The following GRM2 variants were observed in gnomAD, a reference collection of about 807,000 sequenced individuals.
GRM2 encodes metabotropic glutamate receptor 2.
In GRM2, 35 loss-of-function variants were observed where a neutral mutation model predicts 60.4. The observed-to-expected ratio is 0.58, with a 90% CI of 0.44 to 0.77. GRM2 has a LOEUF of 0.77. Ranked by LOEUF, GRM2 falls within the 30% of genes least tolerant of loss-of-function variation. The pLI, the probability that GRM2 is intolerant of heterozygous loss-of-function variation, is 0.00. For missense variants in GRM2, 925 were observed against 1,199.5 expected (o/e 0.77, Z 3.38); for synonymous variants, 437 against 484.1 (o/e 0.90, Z 1.28).
rs1047717477 is a variant in GRM2, at chr3:51,716,057, A to G, written c.2284A>G (p.Ile762Val). Residue 762 changes from isoleucine to valine, a missense_variant, in exon 4 of 6, where the codon ATT becomes GTT. By Grantham distance (29) the Ile-to-Val change is conservative (BLOSUM62 3). Coordinates refer to ENST00000395052, the MANE Select transcript of GRM2 (RefSeq NM_000839.5). This position sits in a 1 kb window ranked among gnomAD's most constrained non-coding sequence, Gnocchi z 4.0. Reference protein sequence around the residue: ...CPENFNEAKFIGFTMYTTCII... With the variant: ...CPENFNEAKFVGFTMYTTCII... ...CGAAAACTTCAACGAGGCCAAGTTC[A>G]TTGGCTTCACCATGTACACCACCTG... 1.2e-6 allele frequency: 2 copies of G among 1,614,082 alleles called. No individual in the cohort carries two copies. The highest frequency in any genetic ancestry group is 1.7e-6 in the Non-Finnish European group (2 of 1,180,034).
At position 51,715,647 on chromosome 3, in the gene GRM2, C is replaced by G. The variant is rs777442467; in HGVS notation, c.1874C>G (p.Ala625Gly). 6.2e-7 allele frequency: 1 copy of G among 1,614,242 alleles called. No individual in the cohort carries two copies. Among genetic ancestry groups the G allele is most frequent in the South Asian group, 1.1e-5 (1 of 91,088 alleles). The change falls in exon 4 of 6, where the codon GCC becomes GGC. Residue 625 changes from alanine to glycine, a missense_variant. Transcript: ENST00000395052. This position sits in a 1 kb window ranked among gnomAD's most constrained non-coding sequence, Gnocchi z 9.0. Reference sequence around the variant, plus strand: ...TACTGCATGACCTTCATCTTCATTGCCAAGCCATCCACGGCAGTGTGTACC... The same window carrying G: ...TACTGCATGACCTTCATCTTCATTGGCAAGCCATCCACGGCAGTGTGTACC... ...LCYCMTFIFI[A>G]KPSTAVCTLR...
At chr3:51,714,787 T>G in intron 3 of GRM2, 3 of 350,946 alleles carry the variant, frequency 8.5e-6, no homozygotes, top group South Asian at 9.3e-5. Flanking sequence ...GATGTGGGCA[T>G]TAGGTTTTTG....
Position 51,718,063 on chromosome 3 carries a change from C to T in GRM2, c.2570C>T (p.Thr857Ile). ...GQGSGSQFVP[T>I]VCNGREVVDS... ...GGGTCTGGCTCCCAGTTTGTCCCCA[C>T]TGTTTGCAATGGCCGTGAGGTGGTG... Residue 857 changes from threonine (T) to isoleucine (I), a missense_variant, in exon 6 of 6, where the codon ACT becomes ATT. Coordinates refer to ENST00000395052, the MANE Select transcript of GRM2 (RefSeq NM_000839.5). The surrounding 1 kb of genome is among the most constrained non-coding windows in gnomAD (Gnocchi z 4.2). 3 of 1,614,228 alleles carry T rather than the reference C, an allele frequency of 1.9e-6. No homozygotes were observed. Among genetic ancestry groups the T allele is most frequent in the Non-Finnish European group, 2.5e-6 (3 of 1,180,012 alleles).
chr3:51,715,565 G>A lies in GRM2; in HGVS notation c.1792G>A (p.Val598Ile), dbSNP rs1703864300. ...VFVRHNATPV[V>I]KASGRELCYI... The stretch of plus-strand genomic sequence containing the variant: ...TGTGCGGCACAATGCCACACCAGTG[G>A]TCAAGGCCTCAGGTCGGGAGCTCTG... Residue 598 changes from valine (V) to isoleucine (I), a missense_variant, in exon 4 of 6, where the codon GTC (valine) becomes ATC (isoleucine). Transcript: ENST00000395052. The surrounding 1 kb of genome is among the most constrained non-coding windows in gnomAD (Gnocchi z 9.0). 1 of 1,613,964 alleles carries A rather than the reference G, an allele frequency of 6.2e-7. No homozygotes were observed. Among genetic ancestry groups the A allele is most frequent in the South Asian group, 1.1e-5 (1 of 91,092 alleles).
rs1323492175 is a variant in GRM2 at position 51,717,682 on chromosome 3, G to T, written c.2410G>T (p.Val804Leu). 1 of 1,613,972 alleles carries T rather than the reference G, an allele frequency of 6.2e-7. No homozygotes were observed. The highest frequency in any genetic ancestry group is 8.5e-7 in the Non-Finnish European group (1 of 1,179,988). The part of the protein sequence containing the change: ...MCVSVSLSGS[V>L]VLGCLFAPKL... ...CGTGTCAGTCAGCCTCAGCGGCTCC[G>T]TGGTGCTTGGCTGCCTCTTTGCGCC... Residue 804 changes from valine (V) to leucine (L), a missense_variant, in exon 5 of 6, where the codon GTG becomes TTG. By Grantham distance (32) the Val-to-Leu change is conservative. Coordinates refer to ENST00000395052, the MANE Select transcript of GRM2 (RefSeq NM_000839.5). The surrounding 1 kb of genome is among the most constrained non-coding windows in gnomAD (Gnocchi z 6.0).
At position 51,715,131 on chromosome 3, in the gene GRM2, A is replaced by T; in HGVS notation, c.1358A>T (p.Tyr453Phe). ...CGCTTTGGTGATGGTATTGGCCGCTACAACATCTTCACCTATCTGCGTGCA... is the reference window on the plus strand; with the variant it reads ...CGCTTTGGTGATGGTATTGGCCGCTTCAACATCTTCACCTATCTGCGTGCA... ...FDRFGDGIGR[Y>F]NIFTYLRAGS... Residue 453 changes from tyrosine to phenylalanine, a missense_variant, in exon 4 of 6, where the codon TAC becomes TTC. Tyr to Phe is a conservative substitution (Grantham distance 22). Coordinates refer to ENST00000395052, the MANE Select transcript of GRM2 (RefSeq NM_000839.5). The surrounding 1 kb of genome is among the most constrained non-coding windows in gnomAD (Gnocchi z 9.0). 6.2e-7 allele frequency: 1 copy of T among 1,610,910 alleles called. No homozygotes were observed. Among genetic ancestry groups the T allele is most frequent in the Admixed American group, 1.7e-5 (1 of 59,734 alleles).
In GRM2 at chr3:51,717,548, C is replaced by A; in HGVS notation, c.2365-89C>A. The A allele has an allele frequency of 9.6e-7, 1 of 1,038,926 alleles. No homozygotes were observed. The highest frequency in any genetic ancestry group is 2.4e-5 in the East Asian group (1 of 41,588). The allele number at this position is 1,038,926 out of a possible 1,614,324, so 64.4% of individuals were successfully genotyped here. On this transcript the variant is annotated intron_variant, in intron 4 of 5. Coordinates refer to ENST00000395052, the MANE Select transcript of GRM2 (RefSeq NM_000839.5). This position sits in a 1 kb window ranked among gnomAD's most constrained non-coding sequence, Gnocchi z 6.0. Reference sequence around the variant, plus strand: ...GCCCAGTGTTGGATGCTTAGTCTCCCCCACTCCCTCCCCCACAGATCAGGC... The same window carrying A: ...GCCCAGTGTTGGATGCTTAGTCTCCACCACTCCCTCCCCCACAGATCAGGC...
In GRM2 at chr3:51,717,937, G is replaced by A. The variant is rs1181007498; in HGVS notation, c.2546-102G>A. 1.4e-6 allele frequency: 2 copies of A among 1,425,658 alleles called. No individual in the cohort carries two copies. Among genetic ancestry groups the A allele is most frequent in the African/African-American group, 2.8e-5 (2 of 71,296 alleles). 88.3% of individuals were successfully genotyped at this position (1,425,658 alleles called of 1,614,324 possible). On this transcript the variant is annotated intron_variant, in intron 5 of 5. Transcript: ENST00000395052. The surrounding 1 kb of genome is among the most constrained non-coding windows in gnomAD (Gnocchi z 6.0). ...CAAATGACACTGGCAGGAGAGGACA[G>A]GAGAGGGGAGGGGAGGCTTCCCTCA...
In GRM2 at chr3:51,709,424, C is replaced by A; in HGVS notation, c.441C>A (p.Val147=). 1.3e-6 allele frequency: 2 copies of A among 1,547,328 alleles called. No homozygotes were observed. The highest frequency in any genetic ancestry group is 8.8e-7 in the Non-Finnish European group (1 of 1,136,564). ...TGVIGGSYSD[V]SIQVANLLRL... is the part of the protein sequence containing the mutation. ...TTATTGGCGGTTCCTACAGTGATGTCTCCATCCAGGTACGTGGAAGCCACC... is the reference window on the plus strand; with the variant it reads ...TTATTGGCGGTTCCTACAGTGATGTATCCATCCAGGTACGTGGAAGCCACC... Residue 147 remains valine (V), a synonymous_variant, in exon 2 of 6, where the codon GTC becomes GTA. Transcript: ENST00000395052.
rs1160790431 is a variant in GRM2 at position 51,712,834 on chromosome 3, G to A, written c.812G>A (p.Arg271His). ...PSARVAVLFT[R>H]SEDARELLAA... ...GCCCGCGTGGCTGTCCTGTTCACCC[G>A]TTCTGAGGATGCCCGGGAGCTGCTT... Residue 271 changes from arginine (R) to histidine (H), a missense_variant, in exon 3 of 6, where the codon CGT becomes CAT. Coordinates refer to ENST00000395052, the MANE Select transcript of GRM2 (RefSeq NM_000839.5). This position sits in a 1 kb window ranked among gnomAD's most constrained non-coding sequence, Gnocchi z 5.3. The A allele has an allele frequency of 1.2e-6, 2 of 1,612,896 alleles. No homozygotes were observed. The highest frequency in any genetic ancestry group is 1.7e-6 in the Non-Finnish European group (2 of 1,180,042).
intron 2 of GRM2, chr3:51,711,471 C>T (rs1283999852): frequency 6.5e-6 from 1 of 152,716 alleles, no homozygotes; most frequent in Admixed American, 6.5e-5. Context: ...AGGGCCCACG[C>T]CTCAGCAGTG....
chr3:51,712,946 G>A lies in GRM2; in HGVS notation c.924G>A (p.Glu308=), dbSNP rs570332974. The change falls in exon 3 of 6, where the codon GAG becomes GAA. Residue 308 remains glutamate (E), a synonymous_variant. Coordinates refer to ENST00000395052, the MANE Select transcript of GRM2 (RefSeq NM_000839.5). The surrounding 1 kb of genome is among the most constrained non-coding windows in gnomAD (Gnocchi z 5.3). ...TGGAGAGTGTGGTGGCAGGCAGTGA[G>A]GGGGCTGCTGAGGGTGCTATCACCA... ...GALESVVAGS[E]GAAEGAITIE... is the part of the protein sequence containing the mutation. The A allele has an allele frequency of 6.2e-7, 1 of 1,613,098 alleles. No individual in the cohort carries two copies. Among genetic ancestry groups the A allele is most frequent in the Non-Finnish European group, 8.5e-7 (1 of 1,180,014 alleles).
chr3:51,709,750 A>T, intron 2 of GRM2, among the ~76,000 whole-genome samples: 1 of 88,388 alleles, frequency 1.1e-5, no homozygotes, highest in Non-Finnish European at 2.3e-5. Flanking sequence ...ACACCCACAC[A>T]CACCCAACAC....
At position 51,712,413 on chromosome 3, in the gene GRM2, G is replaced by A. The variant is rs1265690634; in HGVS notation, c.451-60G>A. ...CCAAGACCTGCTAGCTGTGGGGGAT[G>A]CACCTGTCTCTAGTGTTTGATCTGA... On this transcript the variant is annotated intron_variant, in intron 2 of 5. Coordinates refer to ENST00000395052, the MANE Select transcript of GRM2 (RefSeq NM_000839.5). The surrounding 1 kb of genome is among the most constrained non-coding windows in gnomAD (Gnocchi z 5.3). The A allele has an allele frequency of 3.7e-6, 4 of 1,088,948 alleles. No individual in the cohort carries two copies. The African/African-American group carries it at 6.1e-5, about 17-fold the overall frequency. 67.5% of individuals were successfully genotyped at this position (1,088,948 alleles called of 1,614,324 possible).
intron 2 of GRM2, 43 bp downstream of exon 2, chr3:51,709,476 G>C (rs762587204): frequency 1.2e-5 from 16 of 1,382,192 alleles, no homozygotes; most frequent in Non-Finnish European, 1.6e-5. Flanking sequence ...AGGGAGGCCG[G>C]AGGTGGTGAC....
rs1703931048 is a variant in GRM2 at position 51,717,170 on chromosome 3, GCA to G, written c.2365-458_2365-457del. Among the ~76,000 whole-genome samples the G allele has an allele frequency of 6.6e-6, 1 of 151,512 alleles. No homozygotes were observed. The highest frequency in any genetic ancestry group is 1.9e-4 in the East Asian group (1 of 5,152). On this transcript the variant is annotated intron_variant, in intron 4 of 5. Coordinates refer to ENST00000395052, the MANE Select transcript of GRM2 (RefSeq NM_000839.5). The surrounding 1 kb of genome is among the most constrained non-coding windows in gnomAD (Gnocchi z 6.0). ...CACAGACATAGCCACATGCATGCAT[GCA>G]CACACACATATCCCACATACACACA...
At position 51,717,722 on chromosome 3, in the gene GRM2, T is replaced by A. The variant is rs1703953252; in HGVS notation, c.2450T>A (p.Ile817Asn). 6.2e-7 allele frequency: 1 copy of A among 1,613,916 alleles called. No individual in the cohort carries two copies. The highest frequency in any genetic ancestry group is 8.5e-7 in the Non-Finnish European group (1 of 1,179,992). The change falls in exon 5 of 6, where the codon ATC (isoleucine) becomes AAC (asparagine). Residue 817 changes from isoleucine to asparagine, a missense_variant. Transcript: ENST00000395052. The surrounding 1 kb of genome is among the most constrained non-coding windows in gnomAD (Gnocchi z 6.0). ...CTCTTTGCGCCCAAGCTGCACATCA[T>A]CCTCTTCCAGCCGCAGAAGAACGTG... ...GCLFAPKLHI[I>N]LFQPQKNVVS...
chr3:51,709,994 T>A (rs1182845290), intron 2 of GRM2, among the ~76,000 whole-genome samples: 2 of 151,428 alleles, frequency 1.3e-5, no homozygotes, highest in Admixed American at 6.6e-5. Flanking sequence ...ACACTTTTTT[T>A]TTTTTTCTTT....
Position 51,712,394 on chromosome 3 carries a change from C to G in GRM2, c.451-79C>G. The G allele has an allele frequency of 4.3e-6, 4 of 928,928 alleles. No homozygotes were observed. Among genetic ancestry groups the G allele is most frequent in the Non-Finnish European group, 6.9e-6 (4 of 580,720 alleles). The allele number at this position is 928,928 out of a possible 1,614,324, so 57.5% of individuals were successfully genotyped here. A position where few individuals can be genotyped will look rare whatever the true frequency, so the allele number is the denominator to read the frequency against. On this transcript the variant is annotated intron_variant, in intron 2 of 5. Transcript: ENST00000395052. This position sits in a 1 kb window ranked among gnomAD's most constrained non-coding sequence, Gnocchi z 5.3. ...ACCTTGTGGACACTTGACACCAAGA[C>G]CTGCTAGCTGTGGGGGATGCACCTG... is the stretch of plus-strand genomic sequence containing the variant.
Sources: allele counts gnomAD v4.1 joint callset (sites outside exome capture counted in the v4.1 genomes callset), GRCh38; gene constraint gnomAD v4.1.1; non-coding constraint Gnocchi (gnomAD v3.1); transcripts MANE v1.5; gene names NCBI Gene and HGNC (gene_info 2026-07-23, HGNC 2026-07-21).